The following ASRGL1 variants were observed in gnomAD, a reference collection of about 807,000 sequenced individuals.
ASRGL1 encodes the protein isoaspartyl peptidase/L-asparaginase.
In ASRGL1, 16 loss-of-function variants were observed where a neutral mutation model predicts 22.4. The observed-to-expected ratio is 0.71, with a 90% CI of 0.48 to 1.08. ASRGL1 has a LOEUF of 1.08. Among genes scored for constraint, ASRGL1 ranks in the 50% least tolerant of loss-of-function variants. The pLI is 0.00. For missense variants in ASRGL1, 412 were observed against 410.1 expected (o/e 1.00, Z -0.04); for synonymous variants, 165 against 159.3 (o/e 1.04, Z -0.27).
At chr11:62,384,959 T>C (rs1947166440) in intron 4 of ASRGL1, among the ~76,000 whole-genome samples, 2 of 145,470 alleles carry the variant, frequency 1.4e-5, no homozygotes, top group African/African-American at 2.6e-5. Flanking sequence ...GAAACATATA[T>C]ACAAGAAAAA....
Position 62,392,214 on chromosome 11 carries a change from C to T in ASRGL1, c.857C>T (p.Ala286Val). Reference protein sequence around the residue: ...AKWTSTSMPWAAAKDGKLHFG... With the variant: ...AKWTSTSMPWVAAKDGKLHFG... ...TGGACCTCCACCTCCATGCCCTGGG[C>T]AGCCGCCAAGGACGGCAAGCTGCAC... is the stretch of plus-strand genomic sequence containing the variant. The change falls in exon 7 of 7, where the codon GCA becomes GTA. Residue 286 changes from alanine (A) to valine (V), a missense_variant. Physicochemically the swap from Ala to Val is moderately conservative, Grantham distance 64 (BLOSUM62 0). Transcript: ENST00000415229. The T allele has an allele frequency of 6.2e-7, 1 of 1,614,234 alleles. No homozygotes were observed. Among genetic ancestry groups the T allele is most frequent in the African/African-American group, 1.3e-5 (1 of 75,070 alleles).
At chr11:62,386,385 TG>T (rs1264843496) in intron 4 of ASRGL1, among the ~76,000 whole-genome samples, 1 of 70,254 alleles carries the variant, frequency 1.4e-5, no homozygotes, top group African/African-American at 3.2e-5. Context: ...TTGTTATAAT[TG>T]TATTATTTTA....
downstream of ASRGL1, among the ~76,000 whole-genome samples, chr11:62,394,017 AAT>A (rs1383140484): frequency 6.9e-6 from 1 of 145,154 alleles, no homozygotes; most frequent in Non-Finnish European, 1.5e-5. Flanking sequence ...TATATATTAT[AAT>A]ATATAAATTA....
At chr11:62,367,761 G>A (rs1946650975) in intron 4 of ASRGL1, among the ~76,000 whole-genome samples, 1 of 151,806 alleles carries the variant, frequency 6.6e-6, no homozygotes, top group Non-Finnish European at 1.5e-5. Flanking sequence ...GGCCAACATA[G>A]TAAAATCCCA....
At chr11:62,356,578 A>C in intron 3 of ASRGL1, 111 bp downstream of exon 3, 3 of 1,306,252 alleles carry the variant, frequency 2.3e-6, no homozygotes, top group Non-Finnish European at 3.2e-6. Flanking sequence ...CTAAAAATAT[A>C]TACAAAACAG....
intron 2 of ASRGL1, among the ~76,000 whole-genome samples, chr11:62,343,755 C>A (rs991563479): frequency 2.1e-5 from 3 of 146,050 alleles, no homozygotes; most frequent in Non-Finnish European, 4.6e-5. Flanking sequence ...AAAAAAAGTT[C>A]CACTTAATCC....
chr11:62,362,945 G>A (rs1946518602), intron 4 of ASRGL1, among the ~76,000 whole-genome samples: 1 of 71,332 alleles, frequency 1.4e-5, no homozygotes, highest in African/African-American at 6.4e-5. Context: ...TTGAGACAGA[G>A]TCTTGCTGTG....
intron 5 of ASRGL1, chr11:62,389,562 T>C (rs1947293365): frequency 2.5e-6 from 1 of 403,350 alleles, no homozygotes; most frequent in South Asian, 2.1e-5. Flanking sequence ...GTCTTCTCTT[T>C]AGCCACAGTT....
intron 4 of ASRGL1, chr11:62,383,396 G>A (rs899000945): frequency 8.6e-5 from 13 of 151,070 alleles, no homozygotes; most frequent in Non-Finnish European, 1.3e-4. Context: ...GAGGTCAGGA[G>A]ATCGAGACCA....
rs1945761948 is a variant in ASRGL1 at position 62,337,893 on chromosome 11, C to G, written c.-85C>G. The G allele has an allele frequency of 2.8e-6, 4 of 1,420,604 alleles. No homozygotes were observed. In the Admixed American group the frequency reaches 8.5e-5, roughly 30 times the overall value. The allele number at this position is 1,420,604 out of a possible 1,614,324, so 88.0% of individuals were successfully genotyped here. On this transcript the variant is annotated 5_prime_UTR_variant, in exon 2 of 7. Coordinates refer to ENST00000415229, the MANE Select transcript of ASRGL1 (RefSeq NM_001083926.2). ...AGACTGGGCATTGTCCCCACAGGGT[C>G]TCCCGAGGACCTTGTACCCGCGCGG...
downstream of ASRGL1, among the ~76,000 whole-genome samples, chr11:62,394,169 A>G (rs1273043073): frequency 7.3e-6 from 1 of 136,768 alleles, no homozygotes; most frequent in Non-Finnish European, 1.5e-5. Context: ...CATATATATT[A>G]TATATCATAT....
intron 4 of ASRGL1, among the ~76,000 whole-genome samples, chr11:62,364,052 G>A (rs144300131): frequency 0.076 from 11,579 of 151,530 alleles, 585 homozygotes; most frequent in Non-Finnish European, 0.12. Flanking sequence ...CCAGCTTCTC[G>A]GGAGGCTGAG....
At chr11:62,364,135 G>C (rs1028187709) in intron 4 of ASRGL1, among the ~76,000 whole-genome samples, 20 of 142,212 alleles carry the variant, frequency 1.4e-4, no homozygotes, top group Middle Eastern at 7.5e-3. Context: ...CTCCAGCCTG[G>C]GTGACAGGGT....
chr11:62,374,576 C>T (rs778638971), intron 4 of ASRGL1, among the ~76,000 whole-genome samples: 1 of 152,106 alleles, frequency 6.6e-6, no homozygotes, highest in Non-Finnish European at 1.5e-5. Flanking sequence ...TCACTGTCTC[C>T]ATGTTAAAAT....
At chr11:62,374,283 G>A (rs1465201312) in intron 4 of ASRGL1, among the ~76,000 whole-genome samples, 1 of 152,184 alleles carries the variant, frequency 6.6e-6, no homozygotes, top group African/African-American at 2.4e-5. Context: ...TCCCCGTCAA[G>A]TGCCCGTGCC....
intron 2 of ASRGL1, among the ~76,000 whole-genome samples, chr11:62,341,838 C>T (rs941069988): frequency 6.6e-6 from 1 of 152,236 alleles, no homozygotes; most frequent in African/African-American, 2.4e-5. Context: ...TCCACGCCTC[C>T]ATTCACTCCC....
intron 4 of ASRGL1, among the ~76,000 whole-genome samples, chr11:62,373,988 G>A (rs1316251227): frequency 1.3e-5 from 2 of 152,310 alleles, no homozygotes; most frequent in East Asian, 1.9e-4. Flanking sequence ...ACACGCACTC[G>A]CCAATTAGAG....
chr11:62,351,667 G>A (rs566415795), intron 2 of ASRGL1, among the ~76,000 whole-genome samples: 4 of 148,476 alleles, frequency 2.7e-5, no homozygotes, highest in African/African-American at 4.9e-5. Context: ...AAAAAAAATC[G>A]TTTTTTTTGG....
intron 4 of ASRGL1, among the ~76,000 whole-genome samples, chr11:62,379,079 C>G (rs1947001801): frequency 6.6e-6 from 1 of 152,098 alleles, no homozygotes; most frequent in African/African-American, 2.4e-5. Flanking sequence ...AATCTCAACC[C>G]CACAGATGAA....
Sources: allele counts gnomAD v4.1 joint callset (sites outside exome capture counted in the v4.1 genomes callset), GRCh38; gene constraint gnomAD v4.1.1; transcripts MANE v1.5; gene names NCBI Gene and HGNC (gene_info 2026-07-23, HGNC 2026-07-21).